Variants in SLC44A5 observed in about 807,000 individuals in gnomAD.
SLC44A5 encodes the protein solute carrier family 44 member 5.
SLC44A5 carries 57 observed loss-of-function variants against 101.8 expected under a neutral mutation model. The ratio of observed to expected loss-of-function variants is 0.56; its 90% CI spans 0.45 to 0.70. The LOEUF (loss-of-function observed/expected upper bound fraction) is 0.70. Ranked by LOEUF, SLC44A5 falls within the 30% of genes least tolerant of loss-of-function variation. The pLI, the probability that SLC44A5 is intolerant of heterozygous loss-of-function variation, is 0.00. For missense variants in SLC44A5, 737 were observed against 853.1 expected, an observed-to-expected ratio of 0.86 and a Z score of 1.70; for synonymous variants, 281 against 290.9, an observed-to-expected ratio of 0.97 and a Z score of 0.35.
chr1:75,454,687 T>C (rs948296478), intron 2 of SLC44A5, among the ~76,000 whole-genome samples: 106 of 152,188 alleles, frequency 7.0e-4, no homozygotes, highest in Non-Finnish European at 5.9e-4. Context: ...ACAACTTCAG[T>C]AAAATTTCAG....
the SLC44A5 span, among the ~76,000 whole-genome samples, chr1:75,622,535 G>A: frequency 2.0e-5 from 3 of 152,052 alleles, no homozygotes; most frequent in Non-Finnish European, 4.4e-5. Context: ...AAGCATTTGG[G>A]ATGGCCAAGA....
At chr1:75,504,192 GT>G (rs1363154748) in intron 2 of SLC44A5, among the ~76,000 whole-genome samples, 1 of 151,872 alleles carries the variant, frequency 6.6e-6, no homozygotes, top group Non-Finnish European at 1.5e-5. Flanking sequence ...TTTCCCCAAG[GT>G]TATCCTTATT....
intron 6 of SLC44A5, among the ~76,000 whole-genome samples, chr1:75,264,060 C>A (rs1650776211): frequency 6.6e-6 from 1 of 150,790 alleles, no homozygotes; most frequent in Admixed American, 6.6e-5. Context: ...AGCAAACCAC[C>A]ATGGCACGTG....
upstream of SLC44A5, among the ~76,000 whole-genome samples, chr1:75,615,209 G>A (rs963096142): frequency 1.3e-5 from 2 of 152,048 alleles, no homozygotes; most frequent in African/African-American, 4.8e-5. Context: ...GACAGGTTGG[G>A]GAGCAGGAAG....
chr1:75,449,630 A>T (rs1311550920), intron 2 of SLC44A5, among the ~76,000 whole-genome samples: 1 of 152,178 alleles, frequency 6.6e-6, no homozygotes, highest in Non-Finnish European at 1.5e-5. Flanking sequence ...ATATATGTTT[A>T]TAGAAATCTA....
chr1:75,545,494 T>C (rs909296117), intron 1 of SLC44A5, among the ~76,000 whole-genome samples: 3 of 152,192 alleles, frequency 2.0e-5, no homozygotes, highest in Admixed American at 1.3e-4. Context: ...TTATGCTTTT[T>C]CAGCAGGAAT....
chr1:75,576,389 AC>A (rs1166625776), intron 1 of SLC44A5, among the ~76,000 whole-genome samples: 2 of 151,302 alleles, frequency 1.3e-5, no homozygotes, highest in African/African-American at 4.9e-5. Context: ...ATCTCCACTC[AC>A]TGCAAGCTCC....
chr1:75,586,122 G>A (rs1015838550), intron 1 of SLC44A5, among the ~76,000 whole-genome samples: 3 of 152,288 alleles, frequency 2.0e-5, no homozygotes, highest in Admixed American at 6.5e-5. Context: ...TAAGCAGATT[G>A]TCCTGCCTAA....
At chr1:75,501,393 G>T (rs1668950106) in intron 2 of SLC44A5, among the ~76,000 whole-genome samples, 1 of 152,108 alleles carries the variant, frequency 6.6e-6, no homozygotes, top group African/African-American at 2.4e-5. Context: ...TAATAAATCA[G>T]ATATTTCTTT....
chr1:75,537,319 C>T (rs1166239031), intron 2 of SLC44A5, among the ~76,000 whole-genome samples: 1 of 152,108 alleles, frequency 6.6e-6, no homozygotes, highest in Non-Finnish European at 1.5e-5. Context: ...GAGGGAAAAT[C>T]TATCCCTCAT....
intron 3 of SLC44A5, among the ~76,000 whole-genome samples, chr1:75,377,193 G>C (rs984786268): frequency 1.4e-5 from 2 of 147,310 alleles, no homozygotes; most frequent in Non-Finnish European, 3.0e-5. Flanking sequence ...TCTGCCTTGA[G>C]ATTCTGTTAA....
chr1:75,537,945 A>G (rs1263622699), intron 2 of SLC44A5: 5 of 152,254 alleles, frequency 3.3e-5, no homozygotes, highest in Non-Finnish European at 5.9e-5. Context: ...TAATTATAAT[A>G]CAGTAAGATG....
chr1:75,540,571 TAGAC>T (rs1462228470), intron 2 of SLC44A5, among the ~76,000 whole-genome samples: 3 of 152,218 alleles, frequency 2.0e-5, no homozygotes, highest in African/African-American at 7.2e-5. Flanking sequence ...AGAATCTTGT[TAGAC>T]AGACCTTTAG....
intron 12 of SLC44A5, among the ~76,000 whole-genome samples, chr1:75,230,722 T>A (rs764331748): frequency 2.0e-5 from 3 of 152,120 alleles, no homozygotes; most frequent in Non-Finnish European, 4.4e-5. Context: ...ATTCAAGCAA[T>A]TCTCCCACCT....
At chr1:75,243,056 C>T (rs759799633) in intron 7 of SLC44A5, 45 bp from the exon 8 acceptor site, 6 of 1,547,272 alleles carry the variant, frequency 3.9e-6, no homozygotes, top group Non-Finnish European at 4.3e-6. Context: ...GTTGAACAAA[C>T]CCAGGAACTA....
intron 2 of SLC44A5, among the ~76,000 whole-genome samples, chr1:75,540,567 T>C (rs1671305476): frequency 6.6e-6 from 1 of 152,244 alleles, no homozygotes; most frequent in South Asian, 2.1e-4. Flanking sequence ...TTTAAGAATC[T>C]TGTTAGACAG....
At chr1:75,719,635 A>C in the SLC44A5 span, among the ~76,000 whole-genome samples, 1 of 152,206 alleles carries the variant, frequency 6.6e-6, no homozygotes, top group African/African-American at 2.4e-5. Flanking sequence ...TTACTCGAAT[A>C]GGCTCCTTTC....
At chr1:75,678,671 A>G in the SLC44A5 span, among the ~76,000 whole-genome samples, 22 of 151,238 alleles carry the variant, frequency 1.5e-4, no homozygotes, top group African/African-American at 4.4e-4. Flanking sequence ...AAAAAACAGA[A>G]CAGAAAAACT....
intron 5 of SLC44A5, among the ~76,000 whole-genome samples, chr1:75,281,104 G>C (rs1570562257): frequency 6.6e-6 from 1 of 152,102 alleles, no homozygotes; most frequent in African/African-American, 2.4e-5. Flanking sequence ...GACTTGGAGG[G>C]CTCAGAAGAC....
Sources: allele counts gnomAD v4.1 joint callset (sites outside exome capture counted in the v4.1 genomes callset), GRCh38; gene constraint gnomAD v4.1.1; transcripts MANE v1.5; gene names NCBI Gene and HGNC (gene_info 2026-07-23, HGNC 2026-07-21).